The following EML1 variants were observed in gnomAD, a reference collection of about 807,000 sequenced individuals.
The protein encoded by EML1 is EMAP like 1.
EML1 carries 27 observed loss-of-function variants against 110.4 expected under a neutral mutation model. The observed-to-expected ratio is 0.24, with a 90% CI of 0.18 to 0.34. The LOEUF (loss-of-function observed/expected upper bound fraction) is 0.34. Ranked by LOEUF, EML1 falls within the 10% of genes least tolerant of loss-of-function variation. The pLI is 1.00. For missense variants in EML1, 741 were observed against 1,030.9 expected, an observed-to-expected ratio of 0.72 and a Z score of 3.85; for synonymous variants, 344 against 385.8, an observed-to-expected ratio of 0.89 and a Z score of 1.27.
chr14:99,826,105 A>ATTTTTT (rs71113225), intron 1 of EML1, among the ~76,000 whole-genome samples: 70 of 79,958 alleles, frequency 8.8e-4, no homozygotes, highest in East Asian at 1.3e-3. Context: ...CTGTGCATTG[A>ATTTTTT]TTTTTTTTTT....
intron 1 of EML1, among the ~76,000 whole-genome samples, chr14:99,752,307 C>A (rs1005259149): frequency 1.3e-5 from 2 of 152,110 alleles, no homozygotes; most frequent in African/African-American, 2.4e-5. Flanking sequence ...TGATGACACA[C>A]ACCCACAGTC....
intron 1 of EML1, among the ~76,000 whole-genome samples, chr14:99,838,501 G>A (rs962182964): frequency 3.9e-5 from 6 of 152,080 alleles, no homozygotes; most frequent in African/African-American, 1.4e-4. Context: ...TCTTTTTCAA[G>A]TTTTACTCTA....
chr14:99,854,807 C>G (rs1386003505), intron 2 of EML1, among the ~76,000 whole-genome samples: 1 of 152,092 alleles, frequency 6.6e-6, no homozygotes, highest in Non-Finnish European at 1.5e-5. Context: ...TCAAATCGTT[C>G]ACGAAGGGCT....
At chr14:99,910,902 TC>T (rs1376531663) in intron 12 of EML1, among the ~76,000 whole-genome samples, 9 of 152,120 alleles carry the variant, frequency 5.9e-5, no homozygotes, top group Admixed American at 6.6e-5. Flanking sequence ...AAATCCACCA[TC>T]CCTTTTCTCA....
Position 99,911,402 on chromosome 14 carries a change from G to T in EML1, c.1340-20G>T, listed in dbSNP as rs1306579172. 6.4e-7 allele frequency: 1 copy of T among 1,564,408 alleles called. No homozygotes were observed. Among genetic ancestry groups the T allele is most frequent in the Non-Finnish European group, 8.6e-7 (1 of 1,163,622 alleles). Reference sequence around the variant, plus strand: ...AACCTTTTGACAATGTGCTAATGATGGTTTTCTTGGTGTGTTTAGGTACAA... The same window carrying T: ...AACCTTTTGACAATGTGCTAATGATTGTTTTCTTGGTGTGTTTAGGTACAA... On this transcript the variant is annotated intron_variant, in intron 12 of 21. Transcript: ENST00000262233.
At chr14:99,806,441 C>T (rs566906838) in intron 1 of EML1, among the ~76,000 whole-genome samples, 7 of 151,718 alleles carry the variant, frequency 4.6e-5, no homozygotes, top group East Asian at 1.9e-4. Flanking sequence ...TTCAGCCTCC[C>T]GAGTAGCTGG....
chr14:99,828,457 C>T (rs2058396060), intron 1 of EML1, among the ~76,000 whole-genome samples: 1 of 152,128 alleles, frequency 6.6e-6, no homozygotes, highest in Non-Finnish European at 1.5e-5. Flanking sequence ...CCTTATTTTA[C>T]CAGTAGTGGC....
intron 4 of EML1, among the ~76,000 whole-genome samples, chr14:99,881,997 G>A (rs2059393299): frequency 6.6e-6 from 1 of 152,146 alleles, no homozygotes. Flanking sequence ...TGATATGGAA[G>A]ACCTTTATCT....
At chr14:99,869,330 T>C (rs1247226430) in intron 3 of EML1, among the ~76,000 whole-genome samples, 1 of 152,164 alleles carries the variant, frequency 6.6e-6, no homozygotes, top group Non-Finnish European at 1.5e-5. Flanking sequence ...TGATCTTTGG[T>C]GTTAATACTG....
chr14:99,865,610 G>C lies in EML1; in HGVS notation c.347G>C (p.Gly116Ala). ...ACTGGCTCTCTACCATCCCCCTCCG[G>C]GGTCAGGAAAGAAACTGCTGTGCCA... ...KPTGSLPSPS[G>A]VRKETAVPAT... The change falls in exon 3 of 22, where the codon GGG (glycine) becomes GCG (alanine). Residue 116 changes from glycine (G) to alanine (A), a missense_variant. By Grantham distance (60) the Gly-to-Ala change is moderately conservative. Around this residue, in one of 4 missense-constraint regions of EML1, gnomAD observed 226 missense variants for 255.6 expected, o/e 0.88. Coordinates refer to ENST00000262233, the MANE Select transcript of EML1 (RefSeq NM_004434.3). 6.2e-7 allele frequency: 1 copy of C among 1,614,168 alleles called. No individual in the cohort carries two copies. The highest frequency in any genetic ancestry group is 8.5e-7 in the Non-Finnish European group (1 of 1,180,022).
intron 1 of EML1, among the ~76,000 whole-genome samples, chr14:99,756,143 C>T (rs752920880): frequency 3.3e-5 from 5 of 152,208 alleles, no homozygotes; most frequent in Non-Finnish European, 5.9e-5. Context: ...GCCCAGAAGC[C>T]AGCTCTCCAA....
intron 12 of EML1, 72 bp downstream of exon 12, chr14:99,910,413 G>T: frequency 8.2e-7 from 1 of 1,217,534 alleles, no homozygotes; most frequent in East Asian, 2.4e-5. Context: ...AGTGCTTTAA[G>T]AATTGTCTAT....
At chr14:99,777,371 T>C (rs1365804418) in intron 1 of EML1, among the ~76,000 whole-genome samples, 1 of 152,158 alleles carries the variant, frequency 6.6e-6, no homozygotes, top group East Asian at 1.9e-4. Context: ...CTTCCAAATA[T>C]GTTACCCTTG....
intron 1 of EML1, among the ~76,000 whole-genome samples, chr14:99,812,531 A>G (rs972261275): frequency 6.6e-6 from 1 of 151,794 alleles, no homozygotes; most frequent in Non-Finnish European, 1.5e-5. Context: ...CCTCGGCTGC[A>G]CAATGCGCCT....
chr14:99,825,435 G>A (rs1397459672), intron 1 of EML1, among the ~76,000 whole-genome samples: 1 of 152,110 alleles, frequency 6.6e-6, no homozygotes, highest in Non-Finnish European at 1.5e-5. Context: ...CCCGGTAGTG[G>A]GATTGTGGGT....
chr14:99,934,764 C>A (rs1423351626), intron 17 of EML1, among the ~76,000 whole-genome samples: 3 of 152,196 alleles, frequency 2.0e-5, no homozygotes, highest in African/African-American at 7.2e-5. Context: ...AAAGTCTGAC[C>A]TTTTCCCGGA....
chr14:99,843,235 A>C (rs1218223084), intron 1 of EML1, among the ~76,000 whole-genome samples: 1 of 152,210 alleles, frequency 6.6e-6, no homozygotes, highest in Non-Finnish European at 1.5e-5. Flanking sequence ...TGGGCAACAG[A>C]GTGAGACACT....
chr14:99,753,183 A>ACCCCCCCCCCCCCCCCCCCCCCCCCCCC (rs2057196860), intron 1 of EML1, among the ~76,000 whole-genome samples: 1 of 18,630 alleles, frequency 5.4e-5, no homozygotes. Flanking sequence ...CCACCCCCCT[A>ACCCCCCCCCCCCCCCCCCCCCCCCCCCC]CCCGCACCCC....
chr14:99,921,830 A>G (rs941029604), intron 17 of EML1, among the ~76,000 whole-genome samples: 1 of 152,200 alleles, frequency 6.6e-6, no homozygotes, highest in Non-Finnish European at 1.5e-5. Context: ...CTATGCAACA[A>G]CCATCACTAC....
Sources: allele counts gnomAD v4.1 joint callset (sites outside exome capture counted in the v4.1 genomes callset), GRCh38; gene constraint gnomAD v4.1.1; regional missense constraint gnomAD v4.1.1; transcripts MANE v1.5; gene names NCBI Gene and HGNC (gene_info 2026-07-23, HGNC 2026-07-21).